The following ASRGL1 variants were observed in gnomAD, a reference collection of about 807,000 sequenced individuals.
ASRGL1 encodes isoaspartyl peptidase/L-asparaginase.
A neutral mutation model predicts 22.4 loss-of-function variants in ASRGL1; 16 were observed. That is an observed-to-expected ratio of 0.71 (90% confidence interval 0.48 to 1.08). The LOEUF is 1.08. Ranked by LOEUF, ASRGL1 falls within the 50% of genes least tolerant of loss-of-function variation. The pLI, the probability that ASRGL1 is intolerant of heterozygous loss-of-function variation, is 0.00. For synonymous variants in ASRGL1, 165 were observed against 159.3 expected, an observed-to-expected ratio of 1.04 and a Z score of -0.27; for missense variants, 412 against 410.1, an observed-to-expected ratio of 1.00 and a Z score of -0.04.
intron 4 of ASRGL1, chr11:62,371,566 A>C: frequency 1.4e-6 from 1 of 695,134 alleles, no homozygotes; most frequent in Non-Finnish European, 2.7e-6. Flanking sequence ...GACACAATAC[A>C]CTGCGGAAGG....
intron 6 of ASRGL1, chr11:62,391,875 T>C: frequency 1.4e-6 from 1 of 736,304 alleles, no homozygotes; most frequent in Non-Finnish European, 2.2e-6. Context: ...TGAGCCTGGA[T>C]GTGGGAGGGA....
At chr11:62,342,176 A>G (rs1316147397) in intron 2 of ASRGL1, among the ~76,000 whole-genome samples, 1 of 152,216 alleles carries the variant, frequency 6.6e-6, no homozygotes, top group African/African-American at 2.4e-5. Context: ...TTTTTAAAAG[A>G]GGCAAAGGTA....
At chr11:62,356,259 C>G (rs1946291763) in intron 2 of ASRGL1, 66 bp from the exon 3 acceptor site, 2 of 1,578,622 alleles carry the variant, frequency 1.3e-6, no homozygotes, top group Non-Finnish European at 1.7e-6. Flanking sequence ...GGCTGACCCC[C>G]CCACCTCCCT....
rs528405684 is a variant in ASRGL1, at chr11:62,373,577, A to C, written c.492-15556A>C. Among the ~76,000 whole-genome samples, 30 of 152,320 alleles carry C rather than the reference A, an allele frequency of 2.0e-4. No individual in the cohort carries two copies. The South Asian group carries it at 6.2e-3, about 32-fold the overall frequency. On this transcript the variant is annotated intron_variant, in intron 4 of 6. Transcript: ENST00000415229. Reference sequence around the variant, plus strand: ...ATGGAAGAGGAATCGCCATTTACTCAGAAAAAATGTCCCTTACAGGAACCG... The same window carrying C: ...ATGGAAGAGGAATCGCCATTTACTCCGAAAAAATGTCCCTTACAGGAACCG...
In ASRGL1 at chr11:62,389,252, G is replaced by A; in HGVS notation, c.610+1G>A. 2 of 1,612,148 alleles carry A rather than the reference G, an allele frequency of 1.2e-6. No homozygotes were observed. The highest frequency in any genetic ancestry group is 1.3e-5 in the African/African-American group (1 of 74,978). Reference sequence around the variant, plus strand: ...CGCGTTGGGGACTCACCGTGTCTAGGTAGGACCAAGGGATGCCTCCTGCCC... The same window carrying A: ...CGCGTTGGGGACTCACCGTGTCTAGATAGGACCAAGGGATGCCTCCTGCCC... On this transcript the variant is annotated splice_donor_variant, in intron 5 of 6. Transcript: ENST00000415229. LOFTEE classifies it high-confidence loss of function.
At chr11:62,387,930 C>T (rs769725240) in intron 4 of ASRGL1, among the ~76,000 whole-genome samples, 1 of 152,118 alleles carries the variant, frequency 6.6e-6, no homozygotes, top group African/African-American at 2.4e-5. Flanking sequence ...TACAGTCACG[C>T]GTCTCATGAC....
chr11:62,364,243 A>ACG (rs1324541270), intron 4 of ASRGL1, among the ~76,000 whole-genome samples: 3 of 34,864 alleles, frequency 8.6e-5, no homozygotes, highest in Non-Finnish European at 2.2e-4. Flanking sequence ...AATTTATTAA[A>ACG]TGTGTGTGTG....
At chr11:62,355,765 G>GCGGC (rs1480702517) in intron 2 of ASRGL1, among the ~76,000 whole-genome samples, 1 of 152,042 alleles carries the variant, frequency 6.6e-6, no homozygotes, top group African/African-American at 2.4e-5. Flanking sequence ...AGAGGACCCT[G>GCGGC]CGGCCTTCCG....
At chr11:62,372,313 G>T (rs1363427199) in intron 4 of ASRGL1, 8 of 1,603,118 alleles carry the variant, frequency 5.0e-6, no homozygotes, top group Non-Finnish European at 6.8e-6. Context: ...GGGCAGCTGG[G>T]CCTTGGCAAC....
At chr11:62,389,490 T>C (rs1403614951) in intron 5 of ASRGL1, 2 of 563,242 alleles carry the variant, frequency 3.6e-6, no homozygotes, top group Non-Finnish European at 6.6e-6. Flanking sequence ...TTGGAACAAC[T>C]TGGGGAGAGA....
rs1003624016 is a variant in ASRGL1, at chr11:62,392,107, A to G, written c.750A>G (p.Leu250=). 2 of 1,614,176 alleles carry G rather than the reference A, an allele frequency of 1.2e-6. No individual in the cohort carries two copies. Among genetic ancestry groups the G allele is most frequent in the Admixed American group, 1.7e-5 (1 of 60,024 alleles). ...QGKTVEEAAD[L]SLGYMKSRVK... Reference sequence around the variant, plus strand: ...AGACGGTAGAAGAGGCTGCGGACCTATCGTTGGGTTATATGAAGTCAAGGG... The same window carrying G: ...AGACGGTAGAAGAGGCTGCGGACCTGTCGTTGGGTTATATGAAGTCAAGGG... Residue 250 remains leucine, a synonymous_variant, in exon 7 of 7, where the codon CTA becomes CTG. Coordinates refer to ENST00000415229, the MANE Select transcript of ASRGL1 (RefSeq NM_001083926.2).
chr11:62,341,104 T>C (rs748165083), intron 2 of ASRGL1, among the ~76,000 whole-genome samples: 1 of 152,318 alleles, frequency 6.6e-6, no homozygotes, highest in South Asian at 2.1e-4. Context: ...ACCATTTGCT[T>C]TCACTGGAGC....
chr11:62,375,960 G>A (rs1396862188), intron 4 of ASRGL1, among the ~76,000 whole-genome samples: 1 of 151,758 alleles, frequency 6.6e-6, no homozygotes, highest in Non-Finnish European at 1.5e-5. Flanking sequence ...AAATTAGCTG[G>A]GCGTGGTGGC....
chr11:62,356,734 TG>T (rs1182244140), intron 3 of ASRGL1, among the ~76,000 whole-genome samples: 1 of 152,224 alleles, frequency 6.6e-6, no homozygotes, highest in Non-Finnish European at 1.5e-5. Context: ...GTGTTAAAGA[TG>T]GATTGAGTTC....
In ASRGL1 at chr11:62,337,627, A is replaced by G. The variant is rs139151428; in HGVS notation, c.-89+53A>G. 1,404 of 194,368 alleles carry G rather than the reference A, an allele frequency of 7.2e-3. 6 individuals carry two copies. Among genetic ancestry groups the G allele is most frequent in the Non-Finnish European group, 0.011 (1,081 of 95,198 alleles). The allele number at this position is 194,368 out of a possible 1,614,324, so 12.0% of individuals were successfully genotyped here. A position where few individuals can be genotyped will look rare whatever the true frequency, so the allele number is the denominator to read the frequency against. Reference sequence around the variant, plus strand: ...CGCCCGAGACGCGGGAGGGCGAATGAAATAAACGAAAATAGACATTTTCCC... The same window carrying G: ...CGCCCGAGACGCGGGAGGGCGAATGGAATAAACGAAAATAGACATTTTCCC... On this transcript the variant is annotated intron_variant, in intron 1 of 6. Transcript: ENST00000415229.
At chr11:62,347,964 C>G (rs986093627) in intron 2 of ASRGL1, among the ~76,000 whole-genome samples, 5 of 152,082 alleles carry the variant, frequency 3.3e-5, no homozygotes, top group Non-Finnish European at 5.9e-5. Context: ...TTTTAAGTTC[C>G]AAAAAGCAAA....
chr11:62,392,025 C>A, intron 6 of ASRGL1, 54 bp from the exon 7 acceptor site: 2 of 1,584,214 alleles, frequency 1.3e-6, no homozygotes, highest in Non-Finnish European at 1.7e-6. Flanking sequence ...GTGATTTTCC[C>A]ATGAGATTCC....
At chr11:62,377,233 T>C (rs551135631) in intron 4 of ASRGL1, among the ~76,000 whole-genome samples, 7 of 152,294 alleles carry the variant, frequency 4.6e-5, no homozygotes, top group African/African-American at 1.7e-4. Context: ...CCCTGGTAAA[T>C]TAGTGTGTGC....
intron 2 of ASRGL1, among the ~76,000 whole-genome samples, chr11:62,356,116 C>T (rs185938570): frequency 1.3e-5 from 2 of 152,158 alleles, no homozygotes; most frequent in Admixed American, 6.5e-5. Context: ...CATCATGGCC[C>T]GTTCTCAATG....
Sources: allele counts gnomAD v4.1 joint callset (sites outside exome capture counted in the v4.1 genomes callset), GRCh38; gene constraint gnomAD v4.1.1; transcripts MANE v1.5; gene names NCBI Gene and HGNC (gene_info 2026-07-23, HGNC 2026-07-21).